Variants in STON1 observed in about 807,000 individuals in gnomAD.
STON1 encodes stonin 1, also known as stonin-1.
A neutral mutation model predicts 60.9 loss-of-function variants in STON1; 79 were observed. That is an observed-to-expected ratio of 1.30 (90% CI 1.08 to 1.56). The LOEUF is 1.56. STON1 is among the 40% of genes most tolerant of loss of function. STON1 has a pLI of 0.00. For missense variants in STON1, 1,166 were observed against 858.9 expected (o/e 1.36, Z -4.47); for synonymous variants, 363 against 306.9 (o/e 1.18, Z -1.91).
chr2:48,538,826 C>G (rs1214812993), intron 1 of STON1, among the ~76,000 whole-genome samples: 1 of 146,418 alleles, frequency 6.8e-6, no homozygotes, highest in Non-Finnish European at 1.5e-5. Context: ...CCATGTTGGC[C>G]AGGCTGGTCT....
rs551052549 is a variant in STON1 at position 48,582,623 on chromosome 2, C to T, written c.1930+60C>T. ...GAAATAGCTTAAATATTCTTACCTT[C>T]CTCCTTGGGTTGAAACCAGGTAGAG... On this transcript the variant is annotated intron_variant, in intron 2 of 3. Transcript: ENST00000404752. The T allele has an allele frequency of 9.4e-5, 146 of 1,551,260 alleles. 3 individuals carry two copies. The South Asian group carries it at 1.3e-3, about 14-fold the overall frequency.
chr2:48,586,799 T>C (rs1038133630), intron 2 of STON1, among the ~76,000 whole-genome samples: 1 of 151,956 alleles, frequency 6.6e-6, no homozygotes, highest in Non-Finnish European at 1.5e-5. Context: ...TAGGAGTAGA[T>C]TATAGACACA....
At chr2:48,547,533 C>T (rs977868850) in intron 1 of STON1, among the ~76,000 whole-genome samples, 3 of 152,118 alleles carry the variant, frequency 2.0e-5, no homozygotes, top group African/African-American at 7.2e-5. Flanking sequence ...CATGGTCGTG[C>T]GGGGTCAAAG....
intron 1 of STON1, among the ~76,000 whole-genome samples, chr2:48,551,077 A>C (rs1672083996): frequency 6.6e-6 from 1 of 151,734 alleles, no homozygotes; most frequent in African/African-American, 2.4e-5. Context: ...AGGGGGGTAC[A>C]TTTGCAGGTT....
chr2:48,542,565 C>T (rs182791985), intron 1 of STON1, among the ~76,000 whole-genome samples: 1 of 152,178 alleles, frequency 6.6e-6, no homozygotes, highest in Non-Finnish European at 1.5e-5. Context: ...CTCCCATTAT[C>T]TCCACTCTCC....
At position 48,557,083 on chromosome 2, in the gene STON1, C is replaced by T. The variant is rs1227009859; in HGVS notation, c.-47-23504C>T. The stretch of plus-strand genomic sequence containing the variant: ...GCCGGGCGGGGGGCTGACCCCCCCC[C>T]ACCTCCCTCCCGGACGGGGTGGCTG... On this transcript the variant is annotated intron_variant, in intron 1 of 3. Coordinates refer to ENST00000404752, the MANE Select transcript of STON1 (RefSeq NM_006873.4). 1.9e-5 allele frequency among the ~76,000 whole-genome samples: 2 copies of T among 107,508 alleles called. 1 individual carries two copies. The highest frequency in any genetic ancestry group is 6.8e-4 in the East Asian group (2 of 2,926). 70.5% of individuals were successfully genotyped at this position (107,508 alleles called of 152,430 possible).
chr2:48,563,594 ACT>A, intron 1 of STON1, among the ~76,000 whole-genome samples: 1 of 152,290 alleles, frequency 6.6e-6, no homozygotes, highest in South Asian at 2.1e-4. Context: ...GTAAAGGTGG[ACT>A]GTGTGTTCCC....
chr2:48,586,883 G>A (rs956631832), intron 2 of STON1, among the ~76,000 whole-genome samples: 4 of 152,110 alleles, frequency 2.6e-5, no homozygotes, highest in African/African-American at 4.8e-5. Context: ...ATGGGTGAGC[G>A]AATTCAGGGG....
intron 1 of STON1, among the ~76,000 whole-genome samples, chr2:48,574,981 A>G (rs1036203134): frequency 2.0e-5 from 3 of 152,230 alleles, no homozygotes; most frequent in African/African-American, 7.2e-5. Flanking sequence ...TTCATCTTAC[A>G]TAACTGAAAC....
At chr2:48,547,152 A>G (rs114132958) in intron 1 of STON1, among the ~76,000 whole-genome samples, 1 of 152,232 alleles carries the variant, frequency 6.6e-6, no homozygotes, top group East Asian at 1.9e-4. Context: ...CTTCTCAGCT[A>G]TGTTACTCCA....
chr2:48,530,245 C>T (rs1247981465), intron 1 of STON1, 29 bp downstream of exon 1: 1 of 364,430 alleles, frequency 2.7e-6, no homozygotes, highest in Non-Finnish European at 5.3e-6. Context: ...GGGACAGAGA[C>T]GGGAGGCCTG....
intron 1 of STON1, among the ~76,000 whole-genome samples, chr2:48,548,470 T>G (rs1452420286): frequency 6.6e-6 from 1 of 152,130 alleles, no homozygotes; most frequent in African/African-American, 2.4e-5. Context: ...CTCTGTCTTT[T>G]GTTTCCTTTC....
At chr2:48,566,664 G>A (rs138523882) in intron 1 of STON1, among the ~76,000 whole-genome samples, 1 of 152,288 alleles carries the variant, frequency 6.6e-6, no homozygotes, top group Non-Finnish European at 1.5e-5. Context: ...AGGAGGGGTT[G>A]GTCCATGTGA....
intron 3 of STON1, among the ~76,000 whole-genome samples, chr2:48,593,477 C>T (rs1440541148): frequency 6.6e-6 from 1 of 152,202 alleles, no homozygotes; most frequent in Non-Finnish European, 1.5e-5. Flanking sequence ...GCATTACAGA[C>T]AGGTGGTTCA....
At chr2:48,541,375 A>C (rs1020641589) in intron 1 of STON1, among the ~76,000 whole-genome samples, 1 of 149,774 alleles carries the variant, frequency 6.7e-6, no homozygotes, top group Non-Finnish European at 1.5e-5. Flanking sequence ...TTATTTTCTT[A>C]TATGTAAAAT....
chr2:48,575,754 T>TG (rs1309774209), intron 1 of STON1, among the ~76,000 whole-genome samples: 3 of 117,240 alleles, frequency 2.6e-5, no homozygotes, highest in African/African-American at 9.6e-5. Context: ...TTTTAGTTTT[T>TG]GTTTGTTTTT....
intron 1 of STON1, among the ~76,000 whole-genome samples, chr2:48,535,601 T>G (rs1314648425): frequency 1.3e-5 from 2 of 152,176 alleles, no homozygotes; most frequent in African/African-American, 4.8e-5. Context: ...TCTCAGCACT[T>G]TGGGAGGCCG....
At chr2:48,577,722 T>A (rs982619330) in intron 1 of STON1, among the ~76,000 whole-genome samples, 1 of 149,324 alleles carries the variant, frequency 6.7e-6, no homozygotes, top group African/African-American at 2.5e-5. Flanking sequence ...TTCAAGCGAT[T>A]CTCCTGCCTC....
In STON1 at chr2:48,576,436, C is replaced by T. The variant is rs577123805; in HGVS notation, c.-47-4151C>T. ...AACTCCTGACCTCAAGTGATCCTCC[C>T]GCCTCGGCTTTCCAAAGTGCTGGGA... On this transcript the variant is annotated intron_variant, in intron 1 of 3. Coordinates refer to ENST00000404752, the MANE Select transcript of STON1 (RefSeq NM_006873.4). 2.0e-5 allele frequency among the ~76,000 whole-genome samples: 3 copies of T among 151,220 alleles called. No homozygotes were observed. The South Asian group carries it at 6.3e-4, about 32-fold the overall frequency.
Sources: allele counts gnomAD v4.1 joint callset (sites outside exome capture counted in the v4.1 genomes callset), GRCh38; gene constraint gnomAD v4.1.1; transcripts MANE v1.5; gene names NCBI Gene and HGNC (gene_info 2026-07-23, HGNC 2026-07-21).